WDR72: variants seen among roughly 807,000 people sequenced by gnomAD.
The protein encoded by WDR72 is WD repeat domain 72.
Under a neutral mutation model 124.2 loss-of-function variants are expected in WDR72, and 120 were observed. The ratio of observed to expected loss-of-function variants is 0.97; its 90% CI spans 0.83 to 1.12. The LOEUF (loss-of-function observed/expected upper bound fraction) is 1.12, where lower values mean the gene tolerates loss of function less well. WDR72 is among the 50% of genes most tolerant of loss of function. The probability of loss-of-function intolerance (pLI) is 0.00; values close to 1 mark genes in which losing one functional copy is unlikely to be tolerated. For missense variants in WDR72, 1,387 were observed against 1,278.8 expected (o/e 1.08, Z -1.29); for synonymous variants, 452 against 441.7 (o/e 1.02, Z -0.29).
chr15:53,757,923 G>A (rs896651249), intron 1 of WDR72, among the ~76,000 whole-genome samples: 1 of 152,040 alleles, frequency 6.6e-6, no homozygotes, highest in Non-Finnish European at 1.5e-5. Flanking sequence ...AGTTCATTGG[G>A]TAGAGACCGT....
At chr15:53,676,308 G>A (rs1211697204) in intron 13 of WDR72, among the ~76,000 whole-genome samples, 1 of 152,098 alleles carries the variant, frequency 6.6e-6, no homozygotes, top group East Asian at 1.9e-4. Flanking sequence ...ATTATTAAAG[G>A]GCAAAAGGAA....
intron 3 of WDR72, among the ~76,000 whole-genome samples, chr15:53,717,111 T>C (rs769603090): frequency 2.0e-5 from 3 of 152,172 alleles, no homozygotes; most frequent in Non-Finnish European, 2.9e-5. Flanking sequence ...AAACAAACAG[T>C]GCCACCAAGA....
chr15:53,603,303 A>G (rs1355087718), intron 17 of WDR72, among the ~76,000 whole-genome samples: 1 of 152,134 alleles, frequency 6.6e-6, no homozygotes, highest in Admixed American at 6.5e-5. Flanking sequence ...CATGTTAAAA[A>G]CTCTCAATAA....
chr15:53,524,029 G>C (rs916695012), intron 18 of WDR72, among the ~76,000 whole-genome samples: 1 of 151,968 alleles, frequency 6.6e-6, no homozygotes, highest in Non-Finnish European at 1.5e-5. Context: ...ACAGACTGAA[G>C]TTTCCACTTT....
intron 1 of WDR72, among the ~76,000 whole-genome samples, chr15:53,733,540 ACT>A (rs1405570291): frequency 6.6e-6 from 1 of 151,744 alleles, no homozygotes; most frequent in African/African-American, 2.4e-5. Flanking sequence ...AGCTTTGCAG[ACT>A]CTCTCTCCCT....
rs114083931 is a variant in WDR72, at chr15:53,565,468, T to C, written c.3148+31611A>G. Among the ~76,000 whole-genome samples, 518 of 152,028 alleles carry C rather than the reference T, an allele frequency of 3.4e-3. 1 individual carries two copies. The highest frequency in any genetic ancestry group is 0.012 in the African/African-American group (495 of 41,542). ...TCTTTCCAGAGATGTTAAATGCATA[T>C]GCAACAATGTGCCAAGACCTATTCT... On this transcript the variant is annotated intron_variant, in intron 18 of 19. Coordinates refer to ENST00000360509, the MANE Select transcript of WDR72 (RefSeq NM_182758.4).
intron 9 of WDR72, among the ~76,000 whole-genome samples, chr15:53,708,473 T>C (rs1484359964): frequency 3.3e-5 from 5 of 152,200 alleles, no homozygotes; most frequent in African/African-American, 1.2e-4. Context: ...TTCAATTAAT[T>C]TTAACAATTC....
intron 14 of WDR72, among the ~76,000 whole-genome samples, chr15:53,634,873 C>T (rs2014567550): frequency 6.6e-6 from 1 of 152,190 alleles, no homozygotes; most frequent in African/African-American, 2.4e-5. Flanking sequence ...GACTTCCACC[C>T]TTAACAGGCA....
chr15:53,553,711 C>T (rs1375963722), intron 18 of WDR72, among the ~76,000 whole-genome samples: 1 of 152,122 alleles, frequency 6.6e-6, no homozygotes, highest in Non-Finnish European at 1.5e-5. Context: ...GTGACTCTTT[C>T]ACTTCATTTT....
chr15:53,566,444 G>A (rs1021546856), intron 18 of WDR72, among the ~76,000 whole-genome samples: 22 of 151,990 alleles, frequency 1.4e-4, no homozygotes, highest in Non-Finnish European at 2.8e-4. Context: ...TCGAGACTGG[G>A]AATCTAAGAT....
chr15:53,598,945 G>A (rs1158467843), intron 17 of WDR72, among the ~76,000 whole-genome samples: 1 of 152,026 alleles, frequency 6.6e-6, no homozygotes, highest in Non-Finnish European at 1.5e-5. Flanking sequence ...TTGACATGGT[G>A]AAACCCCGTC....
chr15:53,693,455 G>A (rs1256874986), intron 13 of WDR72, among the ~76,000 whole-genome samples: 1 of 152,092 alleles, frequency 6.6e-6, no homozygotes, highest in Non-Finnish European at 1.5e-5. Context: ...AAATCTATAC[G>A]ACAAGATTAA....
intron 2 of WDR72, among the ~76,000 whole-genome samples, chr15:53,724,744 G>A (rs778944323): frequency 7.9e-5 from 12 of 152,038 alleles, no homozygotes; most frequent in South Asian, 2.1e-4. Context: ...TATCATTTGC[G>A]GTAATCATTT....
chr15:53,665,314 C>G (rs1163387761), intron 14 of WDR72, among the ~76,000 whole-genome samples: 2 of 151,998 alleles, frequency 1.3e-5, no homozygotes. Context: ...TATGTTAAAT[C>G]ACCTAGGATT....
At chr15:53,588,641 T>C (rs1047318860) in intron 18 of WDR72, among the ~76,000 whole-genome samples, 2 of 152,058 alleles carry the variant, frequency 1.3e-5, no homozygotes, top group Non-Finnish European at 2.9e-5. Flanking sequence ...TCAGCCACCA[T>C]TTCTCTAGCA....
intron 14 of WDR72, among the ~76,000 whole-genome samples, chr15:53,653,727 G>C (rs931712697): frequency 1.3e-5 from 2 of 152,104 alleles, no homozygotes; most frequent in African/African-American, 4.8e-5. Flanking sequence ...TTCATAAACA[G>C]TTATGTGAGT....
At chr15:53,560,862 C>T (rs74017444) in intron 18 of WDR72, among the ~76,000 whole-genome samples, 4 of 150,750 alleles carry the variant, frequency 2.7e-5, no homozygotes, top group African/African-American at 7.3e-5. Flanking sequence ...CCCGGCCCCC[C>T]AAAAAAAACA....
intron 14 of WDR72, among the ~76,000 whole-genome samples, chr15:53,638,906 G>C (rs1906412): frequency 0.21 from 31,939 of 151,832 alleles, 3,762 homozygotes; most frequent in East Asian, 0.46. Flanking sequence ...GGGAGGCAGA[G>C]GCAGGAGAAT....
chr15:53,598,226 C>T (rs112488098), intron 17 of WDR72, among the ~76,000 whole-genome samples: 19,361 of 86,692 alleles, frequency 0.22, 1,790 homozygotes, highest in African/African-American at 0.31. Context: ...CATATAGCTA[C>T]ATCCCAGTGC....
Sources: gnomAD v4.1 joint callset for allele counts (sites outside exome capture counted in the v4.1 genomes callset) on GRCh38, gnomAD v4.1.1 for gene constraint, MANE v1.5 for transcripts, NCBI Gene and HGNC (gene_info 2026-07-23, HGNC 2026-07-21) for gene names.